LMBR1: variants seen among roughly 807,000 people sequenced by gnomAD.
The protein encoded by LMBR1 is limb development membrane protein 1.
LMBR1 carries 52 observed loss-of-function variants against 73.9 expected under a neutral mutation model. The ratio of observed to expected loss-of-function variants is 0.70; its 90% confidence interval spans 0.56 to 0.89. The LOEUF is 0.89. Among genes scored for constraint, LMBR1 ranks in the 40% least tolerant of loss-of-function variants. LMBR1 has a pLI of 0.00. For synonymous variants in LMBR1, 215 were observed against 209.4 expected, an observed-to-expected ratio of 1.03 and a Z score of -0.23; for missense variants, 539 against 579.8, an observed-to-expected ratio of 0.93 and a Z score of 0.72.
downstream of LMBR1, among the ~76,000 whole-genome samples, chr7:156,674,270 G>A (rs1030397554): frequency 1.3e-5 from 2 of 152,282 alleles, no homozygotes; most frequent in Non-Finnish European, 2.9e-5. Context: ...CCCCGGGCCT[G>A]GAGAACACCC....
intron 1 of LMBR1, among the ~76,000 whole-genome samples, chr7:156,868,414 G>T (rs1022498434): frequency 2.6e-5 from 4 of 151,978 alleles, no homozygotes; most frequent in Non-Finnish European, 5.9e-5. Context: ...GGTGGCTCAC[G>T]CCTGTTATCC....
intron 5 of LMBR1, among the ~76,000 whole-genome samples, chr7:156,781,306 A>G (rs575154211): frequency 9.8e-5 from 15 of 152,306 alleles, no homozygotes; most frequent in African/African-American, 3.6e-4. Context: ...AAAACACCAC[A>G]GAAGATCCTT....
intron 3 of LMBR1, among the ~76,000 whole-genome samples, 170 bp from the exon 4 acceptor site, chr7:156,826,914 TTAAACTAGA>T (rs1489178723): frequency 1.3e-5 from 2 of 152,162 alleles, no homozygotes; most frequent in Non-Finnish European, 2.9e-5. Context: ...GGCCTAGAAG[TTAAACTAGA>T]TAAACTCTAA....
intron 15 of LMBR1, among the ~76,000 whole-genome samples, chr7:156,723,821 C>T (rs1028700941): frequency 2.0e-5 from 3 of 151,986 alleles, no homozygotes; most frequent in South Asian, 2.1e-4. Flanking sequence ...CTAGAGGACT[C>T]GAAAGCCTAA....
intron 15 of LMBR1, among the ~76,000 whole-genome samples, chr7:156,712,563 A>C (rs972488255): frequency 6.6e-6 from 1 of 152,222 alleles, no homozygotes; most frequent in African/African-American, 2.4e-5. Context: ...GCCTGCACTC[A>C]TATGTTTATA....
At chr7:156,830,348 T>C (rs544493312) in intron 3 of LMBR1, among the ~76,000 whole-genome samples, 1 of 152,226 alleles carries the variant, frequency 6.6e-6, no homozygotes, top group Non-Finnish European at 1.5e-5. Flanking sequence ...TCAATTTTTT[T>C]AAATTAAAAA....
At chr7:156,694,766 T>C (rs981063437) in intron 15 of LMBR1, among the ~76,000 whole-genome samples, 2 of 152,196 alleles carry the variant, frequency 1.3e-5, no homozygotes, top group African/African-American at 2.4e-5. Context: ...GGAATTTCTA[T>C]ACACTAAGAA....
At chr7:156,672,997 G>A (rs994600804), downstream of LMBR1, among the ~76,000 whole-genome samples, 4 of 152,218 alleles carry the variant, frequency 2.6e-5, no homozygotes, top group South Asian at 4.1e-4. Flanking sequence ...CGGCAGGCCC[G>A]GGGCAAAGCC....
intron 4 of LMBR1, among the ~76,000 whole-genome samples, chr7:156,799,629 A>T (rs902961665): frequency 6.6e-6 from 1 of 152,186 alleles, no homozygotes; most frequent in Non-Finnish European, 1.5e-5. Flanking sequence ...GCCATGTAAT[A>T]ATCCTACAAT....
rs1301579705 is a variant in LMBR1, at chr7:156,669,149, G to A, written n.1005C>T. 2.0e-5 allele frequency: 3 copies of A among 152,176 alleles called. No individual in the cohort carries two copies. The highest frequency in any genetic ancestry group is 7.2e-5 in the African/African-American group (3 of 41,434). 9.4% of individuals were successfully genotyped at this position (152,176 alleles called of 1,614,324 possible). A position where few individuals can be genotyped will look rare whatever the true frequency, so the allele number is the denominator to read the frequency against. ...TACTTTGTGAGCCTTCATTGTAAAG[G>A]GTGTGCTGACCAGCCCCTCTGGGCA... On this transcript the variant is annotated non_coding_transcript_exon_variant, in exon 5 of 5. Transcript: ENST00000430825. The surrounding 1 kb of genome is among the most constrained non-coding windows in gnomAD (Gnocchi z 4.2).
rs114127679 is a variant in LMBR1, at chr7:156,696,212, T to C, written c.1226-8021A>G. Among the ~76,000 whole-genome samples, 1,317 of 152,326 alleles carry C rather than the reference T, an allele frequency of 8.6e-3. 21 individuals carry two copies. The highest frequency in any genetic ancestry group is 0.031 in the African/African-American group (1,268 of 41,562). ...TCCATAAAAGAAAATTTAATAAATTTGACTTCATCAAAATTAAGGATGTCT... is the reference window on the plus strand; with the variant it reads ...TCCATAAAAGAAAATTTAATAAATTCGACTTCATCAAAATTAAGGATGTCT... On this transcript the variant is annotated intron_variant, in intron 15 of 16. Coordinates refer to ENST00000353442, the MANE Select transcript of LMBR1 (RefSeq NM_022458.4).
At chr7:156,716,437 A>G (rs559181130) in intron 15 of LMBR1, among the ~76,000 whole-genome samples, 3 of 152,364 alleles carry the variant, frequency 2.0e-5, no homozygotes, top group Admixed American at 1.3e-4. Context: ...GAACTTGAAG[A>G]CAGACTAAAA....
intron 1 of LMBR1, among the ~76,000 whole-genome samples, chr7:156,862,156 C>T (rs1435479970): frequency 1.3e-5 from 2 of 152,198 alleles, no homozygotes; most frequent in Non-Finnish European, 2.9e-5. Context: ...ACTTACAGTT[C>T]CACATGGCTG....
At chr7:156,824,498 A>G (rs1835327130) in intron 4 of LMBR1, among the ~76,000 whole-genome samples, 1 of 152,178 alleles carries the variant, frequency 6.6e-6, no homozygotes, top group Non-Finnish European at 1.5e-5. Context: ...AAAAGAATAT[A>G]CATTATTAGT....
intron 1 of LMBR1, 101 bp from the exon 2 acceptor site, chr7:156,836,986 C>G: frequency 1.3e-6 from 1 of 778,494 alleles, no homozygotes; most frequent in Non-Finnish European, 2.0e-6. Flanking sequence ...AGGATTTAAA[C>G]TACTAAAAAG....
chr7:156,835,571 T>C (rs1312786494), intron 2 of LMBR1, among the ~76,000 whole-genome samples: 2 of 151,904 alleles, frequency 1.3e-5, no homozygotes, highest in East Asian at 3.9e-4. Flanking sequence ...AGTGCATGCC[T>C]GTAATCCCAG....
Position 156,751,624 on chromosome 7 carries a change from G to C in LMBR1, c.757+4769C>G, listed in dbSNP as rs140860210. On this transcript the variant is annotated intron_variant, in intron 9 of 16. Coordinates refer to ENST00000353442, the MANE Select transcript of LMBR1 (RefSeq NM_022458.4). The stretch of plus-strand genomic sequence containing the variant: ...AAGCTACCGCAAAAACCTCTCCAAG[G>C]GGTGGTGGTAGCACAGGTGGTGAGG... Among the ~76,000 whole-genome samples the C allele has an allele frequency of 5.0e-3, 754 of 152,298 alleles. 5 individuals are homozygous for C. Among genetic ancestry groups the C allele is most frequent in the South Asian group, 0.021 (101 of 4,824 alleles).
intron 15 of LMBR1, among the ~76,000 whole-genome samples, chr7:156,688,526 T>C (rs558110273): frequency 6.6e-6 from 1 of 152,156 alleles, no homozygotes; most frequent in African/African-American, 2.4e-5. Context: ...GCTGACTGCA[T>C]GCTCTACCGA....
At chr7:156,815,429 A>G (rs1309993098) in intron 4 of LMBR1, among the ~76,000 whole-genome samples, 1 of 152,234 alleles carries the variant, frequency 6.6e-6, no homozygotes, top group Non-Finnish European at 1.5e-5. Context: ...CTAATTAACA[A>G]TATCAATGTA....
Sources: gnomAD v4.1 joint callset for allele counts (sites outside exome capture counted in the v4.1 genomes callset) on GRCh38, gnomAD v4.1.1 for gene constraint, Gnocchi (gnomAD v3.1) non-coding constraint, MANE v1.5 for transcripts, NCBI Gene and HGNC (gene_info 2026-07-23, HGNC 2026-07-21) for gene names.